Variants in CASR observed in about 807,000 individuals in gnomAD.
The protein encoded by CASR is calcium sensing receptor.
A neutral mutation model predicts 69.1 loss-of-function variants in CASR; 23 were observed. The ratio of observed to expected loss-of-function variants is 0.33; its 90% confidence interval spans 0.24 to 0.47. The LOEUF (loss-of-function observed/expected upper bound fraction) is 0.47. Ranked by LOEUF, CASR falls within the 20% of genes least tolerant of loss-of-function variation. CASR has a pLI of 1.00. For synonymous variants in CASR, 541 were observed against 544.7 expected, an observed-to-expected ratio of 0.99 and a Z score of 0.10; for missense variants, 924 against 1,356.1, an observed-to-expected ratio of 0.68 and a Z score of 5.00.
At chr3:122,224,946 A>G (rs549988346) in intron 1 of CASR, among the ~76,000 whole-genome samples, 3 of 151,900 alleles carry the variant, frequency 2.0e-5, no homozygotes, top group Admixed American at 2.0e-4. Flanking sequence ...TGGGGAAAGG[A>G]CTCCCCATAT....
intron 1 of CASR, among the ~76,000 whole-genome samples, chr3:122,234,845 A>T (rs1317540963): frequency 1.3e-5 from 2 of 152,242 alleles, no homozygotes; most frequent in African/African-American, 4.8e-5. Context: ...AGCAACAGAG[A>T]ATCTTCTCAT....
Position 122,261,889 on chromosome 3 carries a change from G to C in CASR, c.854G>C (p.Arg285Pro), listed in dbSNP as rs200039241. Reference sequence around the variant, plus strand: ...GAGCCCCTCATCAAGGAGATTGTCCGGCGCAATATCACGGGCAAGATCTGG... The same window carrying C: ...GAGCCCCTCATCAAGGAGATTGTCCCGCGCAATATCACGGGCAAGATCTGG... ...DLEPLIKEIV[R>P]RNITGKIWLA... Residue 285 changes from arginine (R) to proline (P), a missense_variant, in exon 4 of 7, where the codon CGG (arginine) becomes CCG (proline). Physicochemically the swap from Arg to Pro is moderately radical, Grantham distance 103. Transcript: ENST00000639785. 1.2e-6 allele frequency: 2 copies of C among 1,614,198 alleles called. No individual in the cohort carries two copies. The highest frequency in any genetic ancestry group is 1.7e-6 in the Non-Finnish European group (2 of 1,180,036).
chr3:122,236,533 A>G (rs1330139565), intron 1 of CASR, among the ~76,000 whole-genome samples: 1 of 152,196 alleles, frequency 6.6e-6, no homozygotes, highest in Admixed American at 6.5e-5. Context: ...TTTCAATCTG[A>G]GATATTTGGG....
chr3:122,216,404 C>A (rs1037029182), intron 1 of CASR, among the ~76,000 whole-genome samples: 1 of 152,196 alleles, frequency 6.6e-6, no homozygotes, highest in African/African-American at 2.4e-5. Context: ...CTTCCTGCAA[C>A]CTGTGTGGCA....
chr3:122,194,301 C>T (rs374297523), intron 1 of CASR, among the ~76,000 whole-genome samples: 427 of 152,228 alleles, frequency 2.8e-3, no homozygotes, highest in Non-Finnish European at 3.5e-3. Flanking sequence ...TGGTTTTTTT[C>T]ACCAAGGGAT....
At chr3:122,271,968 ATC>A (rs2074763317) in intron 4 of CASR, among the ~76,000 whole-genome samples, 2 of 152,148 alleles carry the variant, frequency 1.3e-5, no homozygotes, top group African/African-American at 4.8e-5. Context: ...CATTTTATTT[ATC>A]TGTTTACCCA....
intron 1 of CASR, among the ~76,000 whole-genome samples, chr3:122,220,678 T>C (rs1015877832): frequency 1.3e-5 from 2 of 152,222 alleles, no homozygotes; most frequent in African/African-American, 4.8e-5. Flanking sequence ...TACATTAAAA[T>C]ATTAAGGACT....
intron 1 of CASR, among the ~76,000 whole-genome samples, chr3:122,217,805 C>T (rs1424456693): frequency 6.6e-6 from 1 of 151,788 alleles, no homozygotes; most frequent in Non-Finnish European, 1.5e-5. Flanking sequence ...GCATAGCCTG[C>T]CACAGAAAAA....
intron 1 of CASR, among the ~76,000 whole-genome samples, chr3:122,222,556 C>G (rs2107602828): frequency 6.6e-6 from 1 of 152,122 alleles, no homozygotes; most frequent in East Asian, 1.9e-4. Flanking sequence ...ATGGAGCACC[C>G]AGATTCATAA....
intron 1 of CASR, among the ~76,000 whole-genome samples, chr3:122,229,221 A>G (rs2074256660): frequency 6.6e-6 from 1 of 152,174 alleles, no homozygotes; most frequent in Admixed American, 6.5e-5. Flanking sequence ...ACTTTTTACC[A>G]ACGTCTATAC....
chr3:122,186,965 C>T (rs952294044), intron 1 of CASR, among the ~76,000 whole-genome samples: 1 of 152,194 alleles, frequency 6.6e-6, no homozygotes, highest in Non-Finnish European at 1.5e-5. Context: ...GCATTGTCTT[C>T]AGTTGGTCAT....
rs1270983908 is a variant in CASR, at chr3:122,284,866, G to T, written c.2912G>T (p.Gly971Val). The T allele has an allele frequency of 6.2e-7, 1 of 1,614,176 alleles. No individual in the cohort carries two copies. The highest frequency in any genetic ancestry group is 8.5e-7 in the Non-Finnish European group (1 of 1,180,024). The change falls in exon 7 of 7, where the codon GGC becomes GTC. Residue 971 changes from glycine (G) to valine (V), a missense_variant. Gly to Val is a moderately radical substitution (Grantham distance 109). Around this residue, in one of 8 missense-constraint regions of CASR, gnomAD observed 201 missense variants for 228.8 expected, o/e 0.88. Coordinates refer to ENST00000639785, the MANE Select transcript of CASR (RefSeq NM_000388.4). ...AAGCAGAAGGTCATCTTTGGCAGCG[G>T]CACGGTCACCTTCTCACTGAGCTTT... ...RCKQKVIFGS[G>V]TVTFSLSFDE...
Position 122,284,965 on chromosome 3 carries a change from G to A in CASR, c.3011G>A (p.Ser1004Asn), listed in dbSNP as rs1436155766. 1 of 1,614,106 alleles carries A rather than the reference G, an allele frequency of 6.2e-7. No homozygotes were observed. Among genetic ancestry groups the A allele is most frequent in the African/African-American group, 1.3e-5 (1 of 74,936 alleles). The change falls in exon 7 of 7, where the codon AGC (serine) becomes AAC (asparagine). Residue 1004 changes from serine to asparagine, a missense_variant. Around this residue, in one of 8 missense-constraint regions of CASR, gnomAD observed 201 missense variants for 228.8 expected, o/e 0.88. Coordinates refer to ENST00000639785, the MANE Select transcript of CASR (RefSeq NM_000388.4). ...AACTCCCTGGAGGCCCAGAAAAGCA[G>A]CGATACGCTGACCCGACACGAGCCA... ...HQNSLEAQKS[S>N]DTLTRHEPLL...
intron 4 of CASR, among the ~76,000 whole-genome samples, chr3:122,271,631 G>T (rs940442087): frequency 3.3e-5 from 5 of 152,116 alleles, no homozygotes; most frequent in African/African-American, 4.8e-5. Context: ...ATACAATTCA[G>T]TCATTTAAAG....
chr3:122,188,491 A>T (rs2073808557), intron 1 of CASR, among the ~76,000 whole-genome samples: 2 of 148,024 alleles, frequency 1.4e-5, no homozygotes, highest in African/African-American at 2.5e-5. Flanking sequence ...AGAGAACTTC[A>T]TGATCGGTAC....
At chr3:122,271,666 C>T (rs1387475055) in intron 4 of CASR, among the ~76,000 whole-genome samples, 2 of 152,158 alleles carry the variant, frequency 1.3e-5, no homozygotes, top group Non-Finnish European at 2.9e-5. Flanking sequence ...GCTTTTAATA[C>T]ATTCACAGTT....
At position 122,284,019 on chromosome 3, in the gene CASR, G is replaced by A. The variant is rs2107649885; in HGVS notation, c.2065G>A (p.Val689Met). Residue 689 changes from valine to methionine, a missense_variant, in exon 7 of 7, where the codon GTG becomes ATG. Physicochemically the swap from Val to Met is conservative, Grantham distance 21. Around this residue, in one of 8 missense-constraint regions of CASR, gnomAD observed 184 missense variants for 278.8 expected, o/e 0.66. Coordinates refer to ENST00000639785, the MANE Select transcript of CASR (RefSeq NM_000388.4). Reference protein sequence around the residue: ...LRQPAFGISFVLCISCILVKT... With the variant: ...LRQPAFGISFMLCISCILVKT... Reference sequence around the variant, plus strand: ...CCAGCCGGCCTTTGGCATCAGCTTCGTGCTCTGCATCTCATGCATCCTGGT... The same window carrying A: ...CCAGCCGGCCTTTGGCATCAGCTTCATGCTCTGCATCTCATGCATCCTGGT... The A allele has an allele frequency of 3.1e-6, 5 of 1,614,050 alleles. No individual in the cohort carries two copies. Among genetic ancestry groups the A allele is most frequent in the Non-Finnish European group, 4.2e-6 (5 of 1,180,008 alleles).
At chr3:122,208,293 TA>T (rs1165335602) in intron 1 of CASR, among the ~76,000 whole-genome samples, 1 of 152,218 alleles carries the variant, frequency 6.6e-6, no homozygotes, top group Non-Finnish European at 1.5e-5. Flanking sequence ...TCTCCCACCT[TA>T]GCCTCTTGAG....
At chr3:122,246,753 A>G (rs1381768018) in intron 1 of CASR, 1 of 152,264 alleles carries the variant, frequency 6.6e-6, no homozygotes. Context: ...TTCTTTTAGA[A>G]GCCAGACTAC....
Sources: gnomAD v4.1 joint callset for allele counts (sites outside exome capture counted in the v4.1 genomes callset) on GRCh38, gnomAD v4.1.1 for gene constraint, gnomAD v4.1.1 regional missense constraint, MANE v1.5 for transcripts, NCBI Gene and HGNC (gene_info 2026-07-23, HGNC 2026-07-21) for gene names.